Variants in HPSE2 observed in about 807,000 individuals in gnomAD.
HPSE2 encodes heparanase 2 (inactive).
A neutral mutation model predicts 60.5 loss-of-function variants in HPSE2; 38 were observed. The observed-to-expected ratio is 0.63, with a 90% CI of 0.48 to 0.82. HPSE2 has a LOEUF of 0.82. Ranked by LOEUF, HPSE2 falls within the 40% of genes least tolerant of loss-of-function variation. HPSE2 has a pLI of 0.00. For synonymous variants in HPSE2, 295 were observed against 293.2 expected, an observed-to-expected ratio of 1.01 and a Z score of -0.06; for missense variants, 713 against 740.4, an observed-to-expected ratio of 0.96 and a Z score of 0.43.
intron 9 of HPSE2, among the ~76,000 whole-genome samples, chr10:98,587,217 T>C (rs190979360): frequency 6.6e-6 from 1 of 152,328 alleles, no homozygotes; most frequent in Admixed American, 6.5e-5. Flanking sequence ...GAATGACTTG[T>C]TTATATCTGT....
At chr10:98,911,094 T>C (rs1953964624) in intron 3 of HPSE2, among the ~76,000 whole-genome samples, 1 of 152,190 alleles carries the variant, frequency 6.6e-6, no homozygotes. Flanking sequence ...CAGACATCAA[T>C]GAGAAACAAG....
At position 99,143,654 on chromosome 10, in the gene HPSE2, A is replaced by AT. The variant is rs1361465139; in HGVS notation, c.610+583dup. On this transcript the variant is annotated intron_variant, in intron 3 of 11. Transcript: ENST00000370552. Reference sequence around the variant, plus strand: ...ACAAAACCATGCAGCTCATTTGCTCATTACCAGCAAGTCTGCAAGCAGCCT... The same window carrying AT: ...ACAAAACCATGCAGCTCATTTGCTCATTTACCAGCAAGTCTGCAAGCAGCCT... 3.3e-5 allele frequency among the ~76,000 whole-genome samples: 5 copies of AT among 152,220 alleles called. 1 individual carries two copies. Among genetic ancestry groups the AT allele is most frequent in the African/African-American group, 1.2e-4 (5 of 41,454 alleles).
intron 3 of HPSE2, among the ~76,000 whole-genome samples, chr10:99,085,489 C>T (rs761719495): frequency 6.6e-6 from 1 of 152,130 alleles, no homozygotes; most frequent in Non-Finnish European, 1.5e-5. Flanking sequence ...CTTTTTCTCA[C>T]CCAAAGATTT....
intron 9 of HPSE2, among the ~76,000 whole-genome samples, chr10:98,582,834 A>C (rs1238638376): frequency 1.3e-5 from 2 of 152,300 alleles, no homozygotes; most frequent in African/African-American, 4.8e-5. Flanking sequence ...CCATCACCAT[A>C]ATCAATTTTG....
At chr10:98,920,102 C>A (rs1026842052) in intron 3 of HPSE2, among the ~76,000 whole-genome samples, 1 of 152,204 alleles carries the variant, frequency 6.6e-6, no homozygotes, top group Non-Finnish European at 1.5e-5. Flanking sequence ...CACTTCCACA[C>A]CTTCTGACCC....
At chr10:98,672,235 G>C (rs978202435) in intron 6 of HPSE2, among the ~76,000 whole-genome samples, 3 of 152,090 alleles carry the variant, frequency 2.0e-5, no homozygotes, top group Admixed American at 6.5e-5. Context: ...GGAAAAAAAT[G>C]ACAGGAAACA....
At chr10:98,989,976 G>A (rs776332085) in intron 3 of HPSE2, among the ~76,000 whole-genome samples, 1 of 152,116 alleles carries the variant, frequency 6.6e-6, no homozygotes, top group Non-Finnish European at 1.5e-5. Context: ...GTTAGCTTGT[G>A]GGCGTACCAA....
At chr10:99,047,777 A>T in intron 3 of HPSE2, 1 of 835,118 alleles carries the variant, frequency 1.2e-6, no homozygotes, top group East Asian at 2.4e-5. Flanking sequence ...AAAGGCAAGA[A>T]GGAAGCTTAT....
At chr10:98,677,484 C>T (rs781312978) in intron 6 of HPSE2, among the ~76,000 whole-genome samples, 2 of 152,164 alleles carry the variant, frequency 1.3e-5, no homozygotes, top group Admixed American at 1.3e-4. Flanking sequence ...AGGAAACTCA[C>T]ATTTTATGAG....
At chr10:99,071,537 ATCTCATTGTAGTTTGACATGCATTTC>A (rs1415015591) in intron 3 of HPSE2, among the ~76,000 whole-genome samples, 1 of 152,142 alleles carries the variant, frequency 6.6e-6, no homozygotes, top group Non-Finnish European at 1.5e-5. Flanking sequence ...AGTGATTTCT[ATCTCATTGTAGTTTGACATGCATTTC>A]CCTTATAAGT....
chr10:98,751,988 A>G (rs1949768671), intron 3 of HPSE2, among the ~76,000 whole-genome samples: 2 of 152,238 alleles, frequency 1.3e-5, no homozygotes, highest in South Asian at 4.1e-4. Context: ...ACTCTTCTTC[A>G]TAAACTCTGT....
chr10:99,067,009 G>C (rs1842638673), intron 3 of HPSE2, among the ~76,000 whole-genome samples: 2 of 152,076 alleles, frequency 1.3e-5, no homozygotes, highest in African/African-American at 4.8e-5. Context: ...ATTCCAAATG[G>C]GAGAAACTGG....
At chr10:98,863,069 T>A (rs944510163) in intron 3 of HPSE2, among the ~76,000 whole-genome samples, 1 of 152,102 alleles carries the variant, frequency 6.6e-6, no homozygotes, top group African/African-American at 2.4e-5. Flanking sequence ...AGGCCAACAA[T>A]GTAGTTTTTA....
At chr10:99,295,224 T>A in the HPSE2 span, among the ~76,000 whole-genome samples, 4 of 152,180 alleles carry the variant, frequency 2.6e-5, no homozygotes, top group African/African-American at 9.7e-5. Context: ...ATATTCTCAA[T>A]TTTAAAATAG....
intron 3 of HPSE2, among the ~76,000 whole-genome samples, chr10:98,999,247 T>C (rs1399937848): frequency 6.6e-6 from 1 of 151,612 alleles, no homozygotes; most frequent in Non-Finnish European, 1.5e-5. Flanking sequence ...TAACTCATCA[T>C]AATGGGCAAT....
rs751181526 is a variant in HPSE2, at chr10:98,615,025, G to A, written c.1206-7C>T. 1.3e-6 allele frequency: 2 copies of A among 1,599,602 alleles called. No individual in the cohort carries two copies. Among genetic ancestry groups the A allele is most frequent in the Non-Finnish European group, 1.7e-6 (2 of 1,166,906 alleles). On this transcript the variant is annotated splice_polypyrimidine_tract_variant and splice_region_variant and intron_variant, in intron 8 of 11. Coordinates refer to ENST00000370552, the MANE Select transcript of HPSE2 (RefSeq NM_021828.5). ...TCCTAAAGTGTTCAACCATCTAAAAGGCAGAGAAAAAGAGCTACATCAATA... is the reference window on the plus strand; with the variant it reads ...TCCTAAAGTGTTCAACCATCTAAAAAGCAGAGAAAAAGAGCTACATCAATA...
the HPSE2 span, among the ~76,000 whole-genome samples, chr10:99,280,002 GAT>G: frequency 1.3e-5 from 2 of 152,164 alleles, no homozygotes; most frequent in Non-Finnish European, 2.9e-5. Context: ...CCAAAAATGA[GAT>G]AGAGTGGGGC....
chr10:99,137,645 A>G (rs1433649313), intron 3 of HPSE2, among the ~76,000 whole-genome samples: 1 of 152,234 alleles, frequency 6.6e-6, no homozygotes, highest in African/African-American at 2.4e-5. Context: ...CAATGGGGAA[A>G]AGATTCCCTA....
intron 3 of HPSE2, among the ~76,000 whole-genome samples, chr10:98,949,509 A>G (rs560501678): frequency 1.3e-5 from 2 of 152,286 alleles, no homozygotes; most frequent in East Asian, 3.9e-4. Flanking sequence ...GACAAGATGA[A>G]GCTGACCAGA....
Sources: gnomAD v4.1 joint callset for allele counts (sites outside exome capture counted in the v4.1 genomes callset) on GRCh38, gnomAD v4.1.1 for gene constraint, MANE v1.5 for transcripts, NCBI Gene and HGNC (gene_info 2026-07-23, HGNC 2026-07-21) for gene names.